Variants in NLRX1 observed in about 807,000 individuals in gnomAD.
NLRX1 encodes NOD-like receptor X1.
Under a neutral mutation model 74.2 loss-of-function variants are expected in NLRX1, and 67 were observed. The observed-to-expected ratio is 0.90, with a 90% CI of 0.74 to 1.11. The LOEUF (loss-of-function observed/expected upper bound fraction) is 1.11, where lower values mean the gene tolerates loss of function less well. NLRX1 is among the 50% of genes least tolerant of loss of function. The probability of loss-of-function intolerance (pLI) is 0.00; values close to 1 mark genes in which losing one functional copy is unlikely to be tolerated. For missense variants in NLRX1, 1,191 were observed against 1,305.4 expected (o/e 0.91, Z 1.35); for synonymous variants, 506 against 559.1 (o/e 0.91, Z 1.34).
intron 6 of NLRX1, among the ~76,000 whole-genome samples, chr11:119,176,069 GA>G (rs767979321): frequency 4.7e-4 from 71 of 152,292 alleles, no homozygotes; most frequent in Non-Finnish European, 9.3e-4. Context: ...TTGTGATTCT[GA>G]ATCCTGTGCT....
chr11:119,171,211 A>G, intron 1 of NLRX1, 145 bp from the exon 2 acceptor site: 1 of 513,604 alleles, frequency 1.9e-6, no homozygotes, highest in Non-Finnish European at 3.4e-6. Context: ...CGAGAGCTGA[A>G]AACCAGGCCA....
chr11:119,181,113 T>C (rs1173753356), intron 7 of NLRX1, 58 bp from the exon 8 acceptor site: 1 of 1,202,680 alleles, frequency 8.3e-7, no homozygotes, highest in African/African-American at 1.5e-5. Context: ...ATGGACAGAC[T>C]GCCTGCTGAA....
rs749902252 is a variant in NLRX1, at chr11:119,182,268, G to A, written c.2529G>A (p.Ala843=). The A allele has an allele frequency of 2.7e-5, 44 of 1,613,578 alleles. No individual in the cohort carries two copies. The highest frequency in any genetic ancestry group is 1.7e-4 in the Middle Eastern group (1 of 6,044). The change falls in exon 9 of 10, where the codon GCG becomes GCA. Residue 843 remains alanine, a synonymous_variant. Coordinates refer to ENST00000409109, the MANE Select transcript of NLRX1 (RefSeq NM_001282144.2). ...GGCAGCTGCAGGAGCTGAACGTGGC[G>A]TACAACGGTGCTGGTGACACAGCGG... The part of the protein sequence containing the change: ...RNRQLQELNV[A]YNGAGDTAAL...
rs1380188661 is a variant in NLRX1 at position 119,173,891 on chromosome 11, AC to A, written c.643del (p.Val216TrpfsTer8). On this transcript the variant is annotated frameshift_variant, in exon 5 of 10. Transcript: ENST00000409109. LOFTEE classifies it high-confidence loss of function. This position sits in a 1 kb window ranked among gnomAD's most constrained non-coding sequence, Gnocchi z 4.0. ...GCCCTGCCCCAGCCTCCCTGTGCCA[AC>A]TTGTGGCCCAGCGCTACACGCCCCT... ...LGPAPASLCQ[L>X]VAQRYTPLKE... is the part of the protein sequence containing the mutation. 6.2e-7 allele frequency: 1 copy of A among 1,613,302 alleles called. No individual in the cohort carries two copies. Among genetic ancestry groups the A allele is most frequent in the African/African-American group, 1.3e-5 (1 of 74,884 alleles).
chr11:119,183,395 G>T lies in NLRX1; in HGVS notation c.2884G>T (p.Glu962Ter). The T allele has an allele frequency of 4.3e-6, 7 of 1,613,938 alleles. No homozygotes were observed. The highest frequency in any genetic ancestry group is 5.1e-6 in the Non-Finnish European group (6 of 1,180,002). ...GGCCCAGCTGCTGCGAGTGGAGGGC[G>T]AGGTCAGGGCCCTCCTGGAGCAGCT... ...RKAQLLRVEG[E>*]VRALLEQLGS... Residue 962 changes from glutamate to a stop codon, truncating the protein, a stop_gained, in exon 10 of 10, where the codon GAG becomes TAG. Transcript: ENST00000409109. LOFTEE classifies it high-confidence loss of function. This position sits in a 1 kb window ranked among gnomAD's most constrained non-coding sequence, Gnocchi z 5.7.
At chr11:119,172,515 G>A in intron 3 of NLRX1, 90 bp downstream of exon 3, 1 of 975,340 alleles carries the variant, frequency 1.0e-6, no homozygotes, top group Non-Finnish European at 1.6e-6. Flanking sequence ...TTGATCTCTT[G>A]GGGACCTTGG....
intron 7 of NLRX1, 84 bp from the exon 8 acceptor site, chr11:119,181,087 A>G: frequency 2.1e-6 from 2 of 965,092 alleles, no homozygotes; most frequent in Non-Finnish European, 3.4e-6. Flanking sequence ...AGGCTGATGA[A>G]AAAAAGGCAT....
chr11:119,182,430 C>A, intron 9 of NLRX1, 85 bp downstream of exon 9: 1 of 1,527,906 alleles, frequency 6.5e-7, no homozygotes, highest in Non-Finnish European at 8.8e-7. Flanking sequence ...CTAGGGAGTG[C>A]TTCTGGGCCT....
In NLRX1 at chr11:119,171,044, G is replaced by A. The variant is rs889732851; in HGVS notation, c.-48-312G>A. Among the ~76,000 whole-genome samples, 62 of 152,340 alleles carry A rather than the reference G, an allele frequency of 4.1e-4. No homozygotes were observed. In the Middle Eastern group the frequency reaches 0.01, roughly 25 times the overall value. ...TGTAATCCCAGCTACTTGGGAGGCT[G>A]AGGCAGGAGAATCGCTTGGGCCCGG... On this transcript the variant is annotated intron_variant, in intron 1 of 9. Transcript: ENST00000409109.
In NLRX1 at chr11:119,183,155, G is replaced by A. The variant is rs1258097811; in HGVS notation, c.2644G>A (p.Val882Ile). 3 of 1,614,054 alleles carry A rather than the reference G, an allele frequency of 1.9e-6. No individual in the cohort carries two copies. Among genetic ancestry groups the A allele is most frequent in the African/African-American group, 1.3e-5 (1 of 74,918 alleles). Residue 882 changes from valine (V) to isoleucine (I), a missense_variant, in exon 10 of 10, where the codon GTC (valine) becomes ATC (isoleucine). By Grantham distance (29) the Val-to-Ile change is conservative. Coordinates refer to ENST00000409109, the MANE Select transcript of NLRX1 (RefSeq NM_001282144.2). The surrounding 1 kb of genome is among the most constrained non-coding windows in gnomAD (Gnocchi z 5.7). ...FNELSSEGRQVLRDLGGAAEG... is the reference protein window; with the variant it reads ...FNELSSEGRQILRDLGGAAEG... ...TGAGCTGAGCTCAGAGGGCCGCCAG[G>A]TCTTGCGAGACTTGGGGGGTGCTGC...
Position 119,175,062 on chromosome 11 carries a change from G to T in NLRX1, c.1459G>T (p.Ala487Ser), listed in dbSNP as rs1210662667. ...FLAPCVEPGR[A>S]GTFVFTVPAM... Reference sequence around the variant, plus strand: ...GGCCCCATGTGTGGAGCCAGGGCGTGCAGGCACCTTCGTGTTCACCGTGCC... The same window carrying T: ...GGCCCCATGTGTGGAGCCAGGGCGTTCAGGCACCTTCGTGTTCACCGTGCC... Residue 487 changes from alanine (A) to serine (S), a missense_variant, in exon 6 of 10, where the codon GCA becomes TCA. Physicochemically the swap from Ala to Ser is moderately conservative, Grantham distance 99 (BLOSUM62 1). Coordinates refer to ENST00000409109, the MANE Select transcript of NLRX1 (RefSeq NM_001282144.2). The T allele has an allele frequency of 1.2e-6, 2 of 1,614,034 alleles. No individual in the cohort carries two copies. Among genetic ancestry groups the T allele is most frequent in the East Asian group, 4.5e-5 (2 of 44,900 alleles).
At chr11:119,177,785 A>G (rs528841026) in intron 6 of NLRX1, 8 of 152,330 alleles carry the variant, frequency 5.3e-5, no homozygotes, top group African/African-American at 1.9e-4. Context: ...GAGAGGCTGC[A>G]GTCTCCCGAG....
In NLRX1 at chr11:119,172,914, C is replaced by T; in HGVS notation, c.154C>T (p.His52Tyr). The change falls in exon 4 of 10, where the codon CAC (histidine) becomes TAC (tyrosine). Residue 52 changes from histidine to tyrosine, a missense_variant. Physicochemically the swap from His to Tyr is moderately conservative, Grantham distance 83. Coordinates refer to ENST00000409109, the MANE Select transcript of NLRX1 (RefSeq NM_001282144.2). ...PFGPPRAFIR[H>Y]HGSSVDSAPP... ...CCTTGTTCCCAGGGCCTTTATACGCCACCACGGAAGCTCGGTAGATAGCGC... is the reference window on the plus strand; with the variant it reads ...CCTTGTTCCCAGGGCCTTTATACGCTACCACGGAAGCTCGGTAGATAGCGC... The T allele has an allele frequency of 1.2e-6, 2 of 1,613,924 alleles. No individual in the cohort carries two copies. The highest frequency in any genetic ancestry group is 1.7e-6 in the Non-Finnish European group (2 of 1,179,888).
At chr11:119,170,185 T>C (rs1010088754) in intron 1 of NLRX1, among the ~76,000 whole-genome samples, 4 of 152,018 alleles carry the variant, frequency 2.6e-5, no homozygotes, top group South Asian at 2.1e-4. Context: ...GGGAGCCCAG[T>C]GTTTGGACTC....
rs1948544325 is a variant in NLRX1 at position 119,171,400 on chromosome 11, C to T, written c.-4C>T. 6.2e-7 allele frequency: 1 copy of T among 1,613,694 alleles called. No individual in the cohort carries two copies. The highest frequency in any genetic ancestry group is 1.7e-5 in the Admixed American group (1 of 60,002). Reference sequence around the variant, plus strand: ...CCCCCCAGGCTCTGACCTTCTTTCCCAGGATGAGGTGGGGCCACCATTTGC... The same window carrying T: ...CCCCCCAGGCTCTGACCTTCTTTCCTAGGATGAGGTGGGGCCACCATTTGC... On this transcript the variant is annotated 5_prime_UTR_variant, in exon 2 of 10. Coordinates refer to ENST00000409109, the MANE Select transcript of NLRX1 (RefSeq NM_001282144.2).
chr11:119,181,085 GA>G (rs951368407), intron 7 of NLRX1, 85 bp from the exon 8 acceptor site: 10 of 938,338 alleles, frequency 1.1e-5, no homozygotes, highest in African/African-American at 3.2e-5. Flanking sequence ...GCAGGCTGAT[GA>G]AAAAAAGGCA....
rs774516822 is a variant in NLRX1, at chr11:119,173,745, G to A, written c.496G>A (p.Gly166Arg). ...GRRVQTVVLY[G>R]TVGTGKSTLV... ...CCGGGTGCAGACAGTGGTGCTGTAT[G>A]GGACAGTGGGCACAGGCAAGAGCAC... is the stretch of plus-strand genomic sequence containing the variant. The change falls in exon 5 of 10, where the codon GGG (glycine) becomes AGG (arginine). Residue 166 changes from glycine (G) to arginine (R), a missense_variant. By Grantham distance (125) the Gly-to-Arg change is moderately radical (BLOSUM62 -2). Coordinates refer to ENST00000409109, the MANE Select transcript of NLRX1 (RefSeq NM_001282144.2). This position sits in a 1 kb window ranked among gnomAD's most constrained non-coding sequence, Gnocchi z 4.0. 4 of 1,613,800 alleles carry A rather than the reference G, an allele frequency of 2.5e-6. No homozygotes were observed. In the East Asian group the frequency reaches 8.9e-5, roughly 36 times the overall value.
Position 119,183,865 on chromosome 11 carries a change from A to G in NLRX1, c.*426A>G, listed in dbSNP as rs376782555. 1.3e-6 allele frequency: 1 copy of G among 780,764 alleles called. No individual in the cohort carries two copies. The highest frequency in any genetic ancestry group is 2.4e-6 in the Non-Finnish European group (1 of 417,964). The allele number at this position is 780,764 out of a possible 1,614,324, so 48.4% of individuals were successfully genotyped here. A position where few individuals can be genotyped will look rare whatever the true frequency, so the allele number is the denominator to read the frequency against. On this transcript the variant is annotated 3_prime_UTR_variant, in exon 10 of 10. Coordinates refer to ENST00000409109, the MANE Select transcript of NLRX1 (RefSeq NM_001282144.2). The surrounding 1 kb of genome is among the most constrained non-coding windows in gnomAD (Gnocchi z 5.7). ...TGTTGGAAGCTTCCCCTCCTGCCTT[A>G]TGCTCACCTGTGGACACCGAGGATG...
chr11:119,172,500 C>T, intron 3 of NLRX1, 75 bp downstream of exon 3: 1 of 1,132,362 alleles, frequency 8.8e-7, no homozygotes, highest in Non-Finnish European at 1.3e-6. Flanking sequence ...GGACTTGGGG[C>T]TAGCTTGATC....
Sources: allele counts gnomAD v4.1 joint callset (sites outside exome capture counted in the v4.1 genomes callset), GRCh38; gene constraint gnomAD v4.1.1; non-coding constraint Gnocchi (gnomAD v3.1); transcripts MANE v1.5; gene names NCBI Gene and HGNC (gene_info 2026-07-23, HGNC 2026-07-21).